The following LDB2 variants were observed in gnomAD, a reference collection of about 807,000 sequenced individuals.
LDB2 encodes LIM domain binding 2.
LDB2 carries 12 observed loss-of-function variants against 44.3 expected under a neutral mutation model. That is an observed-to-expected ratio of 0.27 (90% CI 0.17 to 0.44). LDB2 has a LOEUF of 0.44. LDB2 is among the 20% of genes least tolerant of loss of function. The pLI, the probability that LDB2 is intolerant of heterozygous loss-of-function variation, is 1.00. For synonymous variants in LDB2, 164 were observed against 174.8 expected, an observed-to-expected ratio of 0.94 and a Z score of 0.49; for missense variants, 344 against 473.5, an observed-to-expected ratio of 0.73 and a Z score of 2.54.
intron 1 of LDB2, among the ~76,000 whole-genome samples, chr4:16,866,131 G>A (rs890300400): frequency 2.0e-5 from 3 of 152,162 alleles, no homozygotes; most frequent in Non-Finnish European, 4.4e-5. Context: ...TGGAGAATAG[G>A]AATGTGATTG....
intron 1 of LDB2, among the ~76,000 whole-genome samples, chr4:16,894,932 A>C (rs562947632): frequency 6.6e-5 from 10 of 152,026 alleles, no homozygotes; most frequent in Non-Finnish European, 1.3e-4. Context: ...AATATTGATA[A>C]AAGAAAAAAA....
chr4:16,836,336 G>A (rs983700485), intron 1 of LDB2, among the ~76,000 whole-genome samples: 19 of 152,174 alleles, frequency 1.2e-4, no homozygotes, highest in African/African-American at 4.6e-4. Flanking sequence ...GATAAACATG[G>A]ATAATGGGAG....
At chr4:16,888,550 T>TTTGG in intron 1 of LDB2, 1 of 199,340 alleles carries the variant, frequency 5.0e-6, no homozygotes, top group Non-Finnish European at 9.0e-6. Flanking sequence ...ACAACCAAAC[T>TTTGG]CAAGAGTCCT....
chr4:16,763,868 T>C (rs1768562452), intron 1 of LDB2, among the ~76,000 whole-genome samples: 1 of 152,130 alleles, frequency 6.6e-6, no homozygotes, highest in African/African-American at 2.4e-5. Context: ...TTGCGTCTGT[T>C]TGCTTGTTGG....
intron 5 of LDB2, among the ~76,000 whole-genome samples, chr4:16,543,994 G>A (rs776291528): frequency 5.9e-5 from 9 of 151,822 alleles, no homozygotes; most frequent in Non-Finnish European, 8.8e-5. Context: ...CCAGTCTATT[G>A]CAGGTACTGT....
intron 1 of LDB2, among the ~76,000 whole-genome samples, chr4:16,789,596 T>G (rs962319589): frequency 1.3e-5 from 2 of 152,220 alleles, no homozygotes; most frequent in African/African-American, 4.8e-5. Context: ...CTGCTTACTA[T>G]GTTCCAGACA....
At chr4:16,658,340 G>C (rs1164317620) in intron 2 of LDB2, among the ~76,000 whole-genome samples, 1 of 152,194 alleles carries the variant, frequency 6.6e-6, no homozygotes. Context: ...ACACTGGTAG[G>C]TCTCTGCATC....
At chr4:16,822,806 G>A (rs368093949) in intron 1 of LDB2, among the ~76,000 whole-genome samples, 2 of 152,158 alleles carry the variant, frequency 1.3e-5, no homozygotes, top group South Asian at 2.1e-4. Flanking sequence ...ATGCACCACC[G>A]TGCCCGACCA....
intron 2 of LDB2, among the ~76,000 whole-genome samples, chr4:16,654,475 A>G (rs759350096): frequency 2.0e-5 from 3 of 152,210 alleles, no homozygotes; most frequent in Non-Finnish European, 2.9e-5. Context: ...CCATAGGAGA[A>G]GCAGGTCGGT....
At chr4:16,543,122 A>G (rs1577528348) in intron 5 of LDB2, among the ~76,000 whole-genome samples, 1 of 152,056 alleles carries the variant, frequency 6.6e-6, no homozygotes, top group Middle Eastern at 3.2e-3. Context: ...TTATGGCTGC[A>G]TAGTATTCCA....
chr4:16,609,134 G>A (rs1432580421), intron 2 of LDB2, among the ~76,000 whole-genome samples: 1 of 152,146 alleles, frequency 6.6e-6, no homozygotes, highest in East Asian at 1.9e-4. Flanking sequence ...GCCTACCTGA[G>A]GGCCACACAG....
intron 2 of LDB2, among the ~76,000 whole-genome samples, chr4:16,744,238 C>T (rs1250903983): frequency 1.3e-5 from 2 of 148,580 alleles, no homozygotes; most frequent in Non-Finnish European, 3.0e-5. Context: ...CTCACTGCAA[C>T]CTCTGCCTCC....
intron 2 of LDB2, among the ~76,000 whole-genome samples, chr4:16,652,449 G>A (rs1560763669): frequency 6.6e-6 from 1 of 152,150 alleles, no homozygotes; most frequent in African/African-American, 2.4e-5. Flanking sequence ...CTTAGTTGCC[G>A]AGTGAGAAGC....
At chr4:16,639,524 C>A (rs1488739919) in intron 2 of LDB2, among the ~76,000 whole-genome samples, 1 of 152,184 alleles carries the variant, frequency 6.6e-6, no homozygotes, top group Non-Finnish European at 1.5e-5. Context: ...TGCCATGGCA[C>A]GATCTCGGCT....
chr4:16,543,222 G>T (rs368063474), intron 5 of LDB2, among the ~76,000 whole-genome samples: 2 of 152,034 alleles, frequency 1.3e-5, no homozygotes, highest in East Asian at 1.9e-4. Flanking sequence ...GAATAGTGCC[G>T]CAATAAACAT....
chr4:16,788,074 CT>C (rs1210061754), intron 1 of LDB2, among the ~76,000 whole-genome samples: 4 of 152,226 alleles, frequency 2.6e-5, no homozygotes, highest in African/African-American at 9.6e-5. Flanking sequence ...CCTCCCCCCC[CT>C]CTCTGCCAGA....
At chr4:16,624,640 C>G (rs28650855) in intron 2 of LDB2, among the ~76,000 whole-genome samples, 58,340 of 151,790 alleles carry the variant, frequency 0.38, 11,397 homozygotes, top group East Asian at 0.56. Context: ...TCAATCATTG[C>G]TCAATAATAT....
intron 1 of LDB2, among the ~76,000 whole-genome samples, chr4:16,891,606 C>T (rs1022123577): frequency 1.3e-5 from 2 of 151,982 alleles, no homozygotes; most frequent in African/African-American, 2.4e-5. Context: ...CCACCGTGCC[C>T]GAACTTAAGT....
rs1738205219 is a variant in LDB2, at chr4:16,651,312, C to T, written c.236-55437G>A. 2.0e-5 allele frequency: 3 copies of T among 152,166 alleles called. No individual in the cohort carries two copies. In the South Asian group the frequency reaches 6.2e-4, roughly 32 times the overall value. 9.4% of individuals were successfully genotyped at this position (152,166 alleles called of 1,614,324 possible). ...CAGGGCTTTGTTGCAACTCCAAAGT[C>T]CAGGATAATCAGATGCATATTTTAA... On this transcript the variant is annotated intron_variant, in intron 2 of 7. Transcript: ENST00000304523.
Sources: gnomAD v4.1 joint callset for allele counts (sites outside exome capture counted in the v4.1 genomes callset) on GRCh38, gnomAD v4.1.1 for gene constraint, MANE v1.5 for transcripts, NCBI Gene and HGNC (gene_info 2026-07-23, HGNC 2026-07-21) for gene names.